Variants in CCSER1 observed in about 807,000 individuals in gnomAD.
The protein encoded by CCSER1 is serine-rich coiled-coil domain-containing protein 1.
In CCSER1, 41 loss-of-function variants were observed where a neutral mutation model predicts 82.0. The ratio of observed to expected loss-of-function variants is 0.50; its 90% CI spans 0.39 to 0.65. The LOEUF (loss-of-function observed/expected upper bound fraction) is 0.65. Ranked by LOEUF, CCSER1 falls within the 30% of genes least tolerant of loss-of-function variation. The pLI is 0.00. For synonymous variants in CCSER1, 414 were observed against 383.9 expected, an observed-to-expected ratio of 1.08 and a Z score of -0.92; for missense variants, 1,119 against 1,064.2, an observed-to-expected ratio of 1.05 and a Z score of -0.72.
chr4:91,049,985 A>C (rs1306792814), intron 9 of CCSER1, among the ~76,000 whole-genome samples: 1 of 151,944 alleles, frequency 6.6e-6, no homozygotes, highest in South Asian at 2.1e-4. Context: ...CTAAACTTCA[A>C]TATTTTCCTT....
chr4:90,712,276 A>G (rs1286123734), intron 6 of CCSER1, among the ~76,000 whole-genome samples: 1 of 151,970 alleles, frequency 6.6e-6, no homozygotes, highest in Admixed American at 6.6e-5. Flanking sequence ...TGATGTGGAC[A>G]TTTAGGGTTA....
intron 1 of CCSER1, among the ~76,000 whole-genome samples, chr4:90,223,259 A>T (rs1578578733): frequency 2.0e-5 from 3 of 152,110 alleles, no homozygotes; most frequent in South Asian, 4.1e-4. Flanking sequence ...ATTGATATGT[A>T]TTTTTTTCAC....
chr4:90,227,814 C>T (rs1485310838), intron 1 of CCSER1, among the ~76,000 whole-genome samples: 11 of 152,288 alleles, frequency 7.2e-5, no homozygotes, highest in South Asian at 2.1e-4. Flanking sequence ...ACTCGGGAAG[C>T]GCAAAGAGTC....
At chr4:90,836,935 G>A (rs1274491273) in intron 8 of CCSER1, among the ~76,000 whole-genome samples, 1 of 152,162 alleles carries the variant, frequency 6.6e-6, no homozygotes, top group East Asian at 1.9e-4. Context: ...TACCAGTGTG[G>A]CATTTGCAAT....
chr4:90,746,562 C>A (rs899241654), intron 7 of CCSER1, among the ~76,000 whole-genome samples: 1 of 152,156 alleles, frequency 6.6e-6, no homozygotes, highest in Non-Finnish European at 1.5e-5. Context: ...GAGACTCTAA[C>A]TTGGTGTAGG....
chr4:91,506,697 T>C (rs1001046588), intron 10 of CCSER1, among the ~76,000 whole-genome samples: 1 of 152,202 alleles, frequency 6.6e-6, no homozygotes, highest in African/African-American at 2.4e-5. Context: ...TATAGTAAAC[T>C]TCATTTTTTA....
chr4:91,068,445 G>T (rs1721072834), intron 9 of CCSER1, among the ~76,000 whole-genome samples: 1 of 152,130 alleles, frequency 6.6e-6, no homozygotes, highest in African/African-American at 2.4e-5. Flanking sequence ...GCTGTTCCTA[G>T]AAATTAATAA....
At chr4:90,188,337 GTATA>G (rs1205729920) in intron 1 of CCSER1, among the ~76,000 whole-genome samples, 1 of 151,718 alleles carries the variant, frequency 6.6e-6, no homozygotes, top group African/African-American at 2.4e-5. Context: ...TTTATTATCA[GTATA>G]TATTTTTCAG....
chr4:90,933,456 G>T (rs1730522030), intron 9 of CCSER1, among the ~76,000 whole-genome samples: 1 of 151,324 alleles, frequency 6.6e-6, no homozygotes, highest in South Asian at 2.1e-4. Context: ...CCAAGTGCTG[G>T]GATTACAGGC....
chr4:91,542,018 A>T (rs2110198581), intron 10 of CCSER1, among the ~76,000 whole-genome samples: 1 of 152,248 alleles, frequency 6.6e-6, no homozygotes, highest in South Asian at 2.1e-4. Flanking sequence ...TGGCTGCATA[A>T]ATGTCTTCTT....
chr4:90,347,108 C>A (rs1742481708), intron 3 of CCSER1, among the ~76,000 whole-genome samples: 1 of 151,978 alleles, frequency 6.6e-6, no homozygotes. Context: ...ATTTTATATT[C>A]CTGTAGTTTT....
intron 10 of CCSER1, among the ~76,000 whole-genome samples, chr4:91,581,457 C>T (rs2110313768): frequency 6.6e-6 from 1 of 151,706 alleles, no homozygotes; most frequent in South Asian, 2.1e-4. Context: ...AAGAGTGCTT[C>T]TTAACAGAGT....
At chr4:90,704,665 G>T (rs575134306) in intron 6 of CCSER1, among the ~76,000 whole-genome samples, 3 of 152,276 alleles carry the variant, frequency 2.0e-5, no homozygotes, top group Non-Finnish European at 4.4e-5. Flanking sequence ...TGGAGGCTTT[G>T]TTCATTTCTT....
chr4:90,973,410 G>A (rs932024146), intron 9 of CCSER1, among the ~76,000 whole-genome samples: 1 of 151,590 alleles, frequency 6.6e-6, no homozygotes, highest in Non-Finnish European at 1.5e-5. Context: ...TATATGAAAA[G>A]GTGCTCAACA....
chr4:90,279,272 A>C (rs759472332), intron 1 of CCSER1, among the ~76,000 whole-genome samples: 6 of 152,052 alleles, frequency 3.9e-5, no homozygotes, highest in Non-Finnish European at 8.8e-5. Flanking sequence ...GCATTCTGAA[A>C]TTCTTGGAAA....
chr4:90,345,313 C>G (rs1231100287), intron 3 of CCSER1, among the ~76,000 whole-genome samples: 2 of 151,954 alleles, frequency 1.3e-5, no homozygotes, highest in African/African-American at 4.8e-5. Context: ...AGTAAGGGTA[C>G]TATGTGTGTT....
chr4:90,925,168 A>C (rs1283674374), intron 9 of CCSER1, among the ~76,000 whole-genome samples: 1 of 152,228 alleles, frequency 6.6e-6, no homozygotes, highest in Non-Finnish European at 1.5e-5. Context: ...CATAATTTTC[A>C]TTAAATCTTA....
intron 10 of CCSER1, among the ~76,000 whole-genome samples, chr4:91,511,104 AT>A (rs148372661): frequency 0.066 from 9,912 of 150,088 alleles, 449 homozygotes; most frequent in South Asian, 0.18. Flanking sequence ...ACTTTGCTTA[AT>A]TTTTTTTTTA....
chr4:90,957,244 G>GGC (rs1733549136), intron 9 of CCSER1, among the ~76,000 whole-genome samples: 1 of 69,740 alleles, frequency 1.4e-5, no homozygotes, highest in South Asian at 5.1e-4. Context: ...TGGGATTACA[G>GGC]GCCCCCCCCA....
Sources: allele counts gnomAD v4.1 joint callset (sites outside exome capture counted in the v4.1 genomes callset), GRCh38; gene constraint gnomAD v4.1.1; transcripts MANE v1.5; gene names NCBI Gene and HGNC (gene_info 2026-07-23, HGNC 2026-07-21).